Variants in BTBD1 observed in about 807,000 individuals in gnomAD.
BTBD1 encodes BTB/POZ domain-containing protein 1.
Under a neutral mutation model 48.0 loss-of-function variants are expected in BTBD1, and 34 were observed. The ratio of observed to expected loss-of-function variants is 0.71; its 90% confidence interval spans 0.54 to 0.94. The LOEUF (loss-of-function observed/expected upper bound fraction) is 0.94. Among genes scored for constraint, BTBD1 ranks in the 40% least tolerant of loss-of-function variants. BTBD1 has a pLI of 0.00. For missense variants in BTBD1, 543 were observed against 625.6 expected (o/e 0.87, Z 1.41); for synonymous variants, 261 against 242.1 (o/e 1.08, Z -0.72).
chr15:83,057,141 C>T (rs1016865389), intron 1 of BTBD1, among the ~76,000 whole-genome samples: 3 of 152,166 alleles, frequency 2.0e-5, no homozygotes, highest in African/African-American at 7.2e-5. Context: ...TTAATCCTCT[C>T]ACATAGAAGG....
intron 2 of BTBD1, among the ~76,000 whole-genome samples, chr15:83,055,255 A>G (rs1007024427): frequency 2.7e-5 from 4 of 150,170 alleles, no homozygotes; most frequent in African/African-American, 9.7e-5. Context: ...TACACTTAGA[A>G]TACGTGTACT....
Position 83,041,730 on chromosome 15 carries a change from G to A in BTBD1, c.860C>T (p.Ala287Val). 1 of 1,613,788 alleles carries A rather than the reference G, an allele frequency of 6.2e-7. No homozygotes were observed. Among genetic ancestry groups the A allele is most frequent in the South Asian group, 1.1e-5 (1 of 91,074 alleles). The change falls in exon 4 of 8, where the codon GCA becomes GTA. Residue 287 changes from alanine to valine, a missense_variant and splice_region_variant. Physicochemically the swap from Ala to Val is moderately conservative, Grantham distance 64. This residue lies in a region of BTBD1 where 300 missense variants were observed against 350.0 expected (regional missense o/e 0.86). Transcript: ENST00000261721. Reference protein sequence around the residue: ...FPLMTIEEFAAGPAQSGILSD... With the variant: ...FPLMTIEEFAVGPAQSGILSD... ...TTTTGGTGAATTTATACCCTTACCT[G>A]CTGCAAATTCCTCAATTGTCATCAG... is the stretch of plus-strand genomic sequence containing the variant.
chr15:83,020,411 C>A, intron 6 of BTBD1: 1 of 324,776 alleles, frequency 3.1e-6, no homozygotes. Flanking sequence ...TTTAAGACTG[C>A]ACAGCAGGAA....
intron 5 of BTBD1, among the ~76,000 whole-genome samples, chr15:83,021,761 A>ATCATC (rs1555438321): frequency 1.4e-5 from 2 of 145,258 alleles, no homozygotes; most frequent in Admixed American, 6.8e-5. Flanking sequence ...TAATAATAAT[A>ATCATC]ATAATAATAC....
intron 5 of BTBD1, among the ~76,000 whole-genome samples, chr15:83,028,055 A>T (rs1468336872): frequency 6.6e-6 from 1 of 152,210 alleles, no homozygotes; most frequent in Admixed American, 6.5e-5. Context: ...GTAAAGTGGG[A>T]ATTACAAAAT....
intron 1 of BTBD1, among the ~76,000 whole-genome samples, chr15:83,059,480 G>T (rs891830003): frequency 1.3e-5 from 2 of 152,182 alleles, no homozygotes; most frequent in Admixed American, 6.5e-5. Flanking sequence ...GGGCAGCAGG[G>T]GTTGCAGTTA....
At chr15:83,046,830 A>G (rs1217391011) in intron 3 of BTBD1, among the ~76,000 whole-genome samples, 1 of 152,224 alleles carries the variant, frequency 6.6e-6, no homozygotes, top group Non-Finnish European at 1.5e-5. Context: ...ATTTGTTCCC[A>G]AGGTACTGTG....
At chr15:83,051,875 T>TACACAC (rs1187803458) in intron 2 of BTBD1, among the ~76,000 whole-genome samples, 567 of 43,728 alleles carry the variant, frequency 0.013, 7 homozygotes, top group African/African-American at 0.027. Context: ...TTTCCATATA[T>TACACAC]ATACACACAC....
At chr15:83,026,284 G>C (rs947166558) in intron 5 of BTBD1, among the ~76,000 whole-genome samples, 1 of 152,042 alleles carries the variant, frequency 6.6e-6, no homozygotes, top group South Asian at 2.1e-4. Flanking sequence ...TGGACCAGTT[G>C]TTCTCAAAAC....
intron 4 of BTBD1, among the ~76,000 whole-genome samples, chr15:83,032,836 G>A (rs2032545814): frequency 6.6e-6 from 1 of 152,008 alleles, no homozygotes. Context: ...GCCAAGGGCG[G>A]TGGTGGGTGC....
chr15:83,046,946 T>C (rs1319395654), intron 3 of BTBD1, among the ~76,000 whole-genome samples: 1 of 152,184 alleles, frequency 6.6e-6, no homozygotes, highest in Non-Finnish European at 1.5e-5. Context: ...GGAAGTGTTA[T>C]TTTAGCCAAG....
At chr15:83,057,348 TA>T (rs1567112854) in intron 1 of BTBD1, among the ~76,000 whole-genome samples, 1 of 152,184 alleles carries the variant, frequency 6.6e-6, no homozygotes, top group Admixed American at 6.5e-5. Context: ...CCTGCCTCTC[TA>T]AAAAGATGAG....
rs1004554365 is a variant in BTBD1, at chr15:83,066,503, A to G, written c.401+248T>C. Among the ~76,000 whole-genome samples the G allele has an allele frequency of 3.3e-5, 5 of 152,282 alleles. No individual in the cohort carries two copies. In the South Asian group the frequency reaches 8.3e-4, roughly 25 times the overall value. On this transcript the variant is annotated intron_variant, in intron 1 of 7. Coordinates refer to ENST00000261721, the MANE Select transcript of BTBD1 (RefSeq NM_025238.4). ...TAATTGGAATGCGAAACGCCTTTCA[A>G]TGGTAAAACGCACGCTTGCCTAATG...
intron 3 of BTBD1, among the ~76,000 whole-genome samples, chr15:83,042,597 T>A (rs1402184115): frequency 6.6e-6 from 1 of 151,942 alleles, no homozygotes; most frequent in East Asian, 1.9e-4. Flanking sequence ...TTGGCCAGCC[T>A]GGTCTCAAAC....
chr15:83,047,747 T>A (rs1045883631), intron 3 of BTBD1, among the ~76,000 whole-genome samples: 1 of 152,178 alleles, frequency 6.6e-6, no homozygotes, highest in Middle Eastern at 3.2e-3. Flanking sequence ...CCTTGGTCTG[T>A]TATATGAGCG....
At chr15:83,035,092 G>T (rs1430318933) in intron 4 of BTBD1, among the ~76,000 whole-genome samples, 1 of 152,090 alleles carries the variant, frequency 6.6e-6, no homozygotes, top group Non-Finnish European at 1.5e-5. Context: ...TCAGGAGTTT[G>T]AGACCAGTCT....
chr15:83,041,888 A>G lies in BTBD1; in HGVS notation c.702T>C (p.Ser234=). Residue 234 remains serine (S), a synonymous_variant, in exon 4 of 8, where the codon AGT becomes AGC. Coordinates refer to ENST00000261721, the MANE Select transcript of BTBD1 (RefSeq NM_025238.4). The stretch of plus-strand genomic sequence containing the variant: ...CTCCAAAAAGTCGACTTTCTCGAAT[A>G]CTGAGTGTGTCTCTCTCTAAAACTG... The part of the protein sequence containing the change: ...LCAVLERDTL[S]IRESRLFGAV... The G allele has an allele frequency of 6.2e-7, 1 of 1,614,186 alleles. No homozygotes were observed. The highest frequency in any genetic ancestry group is 8.5e-7 in the Non-Finnish European group (1 of 1,180,024).
chr15:83,026,401 C>A (rs2032407556), intron 5 of BTBD1, among the ~76,000 whole-genome samples: 1 of 152,058 alleles, frequency 6.6e-6, no homozygotes, highest in Non-Finnish European at 1.5e-5. Context: ...GAACAGTCTC[C>A]CATAACTCAA....
chr15:83,019,739 C>T (rs2032251882), intron 6 of BTBD1, among the ~76,000 whole-genome samples: 1 of 151,218 alleles, frequency 6.6e-6, no homozygotes, highest in South Asian at 2.1e-4. Flanking sequence ...GGATTACAGG[C>T]ATGCACCACC....
Sources: allele counts gnomAD v4.1 joint callset (sites outside exome capture counted in the v4.1 genomes callset), GRCh38; gene constraint gnomAD v4.1.1; regional missense constraint gnomAD v4.1.1; transcripts MANE v1.5; gene names NCBI Gene and HGNC (gene_info 2026-07-23, HGNC 2026-07-21).